The following ODAD3 variants were observed in gnomAD, a reference collection of about 807,000 sequenced individuals.
The protein encoded by ODAD3 is outer dynein arm-docking complex subunit 3.
In ODAD3, 57 loss-of-function variants were observed where a neutral mutation model predicts 70.9. The observed-to-expected ratio is 0.80, with a 90% CI of 0.65 to 1.00. The LOEUF is 1.00. Among genes scored for constraint, ODAD3 ranks in the 50% least tolerant of loss-of-function variants. The pLI is 0.00. For synonymous variants in ODAD3, 327 were observed against 315.9 expected (o/e 1.04, Z -0.37); for missense variants, 797 against 763.9 (o/e 1.04, Z -0.51).
intron 7 of ODAD3, among the ~76,000 whole-genome samples, chr19:11,425,748 G>T (rs139888710): frequency 1.1e-3 from 162 of 149,440 alleles, no homozygotes; most frequent in African/African-American, 3.8e-3. Flanking sequence ...CTTTGGTGAG[G>T]GCTGGATGGG....
In ODAD3 at chr19:11,434,886, G is replaced by C; in HGVS notation, c.131C>G (p.Thr44Arg). The C allele has an allele frequency of 6.2e-7, 1 of 1,614,186 alleles. No individual in the cohort carries two copies. Among genetic ancestry groups the C allele is most frequent in the African/African-American group, 1.3e-5 (1 of 75,064 alleles). The change falls in exon 1 of 13, where the codon ACA (threonine) becomes AGA (arginine). Residue 44 changes from threonine to arginine, a missense_variant. Transcript: ENST00000356392. ...ACGGCCTGGGGTCCACGCCTGGGCT[G>C]TGCCCTTGCCTCGGAGGTGGCTGGG... is the stretch of plus-strand genomic sequence containing the variant. Reference protein sequence around the residue: ...GKPSHLRGKGTAQAWTPGRSK... With the variant: ...GKPSHLRGKGRAQAWTPGRSK...
At chr19:11,425,038 C>CGT (rs1437105727) in intron 7 of ODAD3, among the ~76,000 whole-genome samples, 3 of 85,850 alleles carry the variant, frequency 3.5e-5, no homozygotes, top group East Asian at 6.6e-4. Context: ...TGCATATATA[C>CGT]ATATGTGTAT....
chr19:11,422,483 G>C lies in ODAD3; in HGVS notation c.1422C>G (p.Ile474Met). 1 of 1,593,240 alleles carries C rather than the reference G, an allele frequency of 6.3e-7. No homozygotes were observed. The highest frequency in any genetic ancestry group is 8.5e-7 in the Non-Finnish European group (1 of 1,171,398). The change falls in exon 10 of 13, where the codon ATC becomes ATG. Residue 474 changes from isoleucine to methionine, a missense_variant. Physicochemically the swap from Ile to Met is conservative, Grantham distance 10. Coordinates refer to ENST00000356392, the MANE Select transcript of ODAD3 (RefSeq NM_145045.5). The surrounding 1 kb of genome is among the most constrained non-coding windows in gnomAD (Gnocchi z 4.6). Reference protein sequence around the residue: ...DSLEHLASKLIHITVEDGRFA... With the variant: ...DSLEHLASKLMHITVEDGRFA... ...GGGCGGGGCCTACCACAGTGATGTG[G>C]ATCAGCTTGCTGGCCAGGTGCTCCA...
At chr19:11,425,022 C>A (rs189448471) in intron 7 of ODAD3, among the ~76,000 whole-genome samples, 3 of 92,764 alleles carry the variant, frequency 3.2e-5, no homozygotes, top group Non-Finnish European at 6.2e-5. Flanking sequence ...TGTATATATA[C>A]ATATGTGCAT....
At chr19:11,430,531 C>T in intron 3 of ODAD3, 168 bp downstream of exon 3, 1 of 678,664 alleles carries the variant, frequency 1.5e-6, no homozygotes, top group Middle Eastern at 4.1e-4. Context: ...CATTTACTAC[C>T]ATGCCAGGAT....
intron 1 of ODAD3, among the ~76,000 whole-genome samples, chr19:11,433,331 A>G (rs901153635): frequency 6.6e-6 from 1 of 152,148 alleles, no homozygotes; most frequent in African/African-American, 2.4e-5. Flanking sequence ...TATTTTTAGT[A>G]GAGACAGCGT....
chr19:11,434,233 A>C lies in ODAD3; in HGVS notation c.244+540T>G, dbSNP rs1300508438. Among the ~76,000 whole-genome samples the C allele has an allele frequency of 2.2e-4, 33 of 151,292 alleles. 1 individual carries two copies. The highest frequency in any genetic ancestry group is 4.2e-4 in the South Asian group (2 of 4,800). On this transcript the variant is annotated intron_variant, in intron 1 of 12. Transcript: ENST00000356392. ...GTCTCAAAAAACAAAAAACAAAACA[A>C]AAAAAAACGCGGGTGCAGTGGCTCA...
intron 1 of ODAD3, among the ~76,000 whole-genome samples, chr19:11,431,622 C>G (rs1969505466): frequency 1.3e-5 from 2 of 151,384 alleles, no homozygotes; most frequent in African/African-American, 4.9e-5. Flanking sequence ...GAAACCCCAT[C>G]TCTACAAAAA....
chr19:11,434,863 G>A lies in ODAD3; in HGVS notation c.154C>T (p.Arg52Cys). The change falls in exon 1 of 13, where the codon CGT becomes TGT. Residue 52 changes from arginine to cysteine, a missense_variant. By Grantham distance (180) the Arg-to-Cys change is radical (BLOSUM62 -3). Coordinates refer to ENST00000356392, the MANE Select transcript of ODAD3 (RefSeq NM_145045.5). ...CTGTGGAAGGATCCTCCCTTGGAACGGCCTGGGGTCCACGCCTGGGCTGTG... is the reference window on the plus strand; with the variant it reads ...CTGTGGAAGGATCCTCCCTTGGAACAGCCTGGGGTCCACGCCTGGGCTGTG... ...KGTAQAWTPG[R>C]SKGGSFHRGA... is the part of the protein sequence containing the mutation. 2 of 1,614,174 alleles carry A rather than the reference G, an allele frequency of 1.2e-6. No homozygotes were observed. The highest frequency in any genetic ancestry group is 1.7e-6 in the Non-Finnish European group (2 of 1,180,036).
In ODAD3 at chr19:11,425,372, T is replaced by TATGTAC. The variant is rs1311029892; in HGVS notation, c.963+771_963+772insGTACAT. On this transcript the variant is annotated intron_variant, in intron 7 of 12. Transcript: ENST00000356392. ...ATATGTGTATATGTACATATGTGTA[T>TATGTAC]ATATGTGTGTATGTACATATGTGTA... is the stretch of plus-strand genomic sequence containing the variant. Among the ~76,000 whole-genome samples the TATGTAC allele has an allele frequency of 4.6e-5, 6 of 131,520 alleles. 1 individual carries two copies. Among genetic ancestry groups the TATGTAC allele is most frequent in the Admixed American group, 2.9e-4 (4 of 13,988 alleles). The allele number at this position is 131,520 out of a possible 152,430, so 86.3% of individuals were successfully genotyped here. A position where few individuals can be genotyped will look rare whatever the true frequency, so the allele number is the denominator to read the frequency against.
chr19:11,426,583 T>A lies in ODAD3; in HGVS notation c.715-12A>T. 6.2e-7 allele frequency: 1 copy of A among 1,613,900 alleles called. No homozygotes were observed. Among genetic ancestry groups the A allele is most frequent in the East Asian group, 2.2e-5 (1 of 44,874 alleles). Reference sequence around the variant, plus strand: ...TTGAGGCTCTCGTCCTGGGGCGTGGTGGGGAGGGGTAGCGGAGATGGTGCA... The same window carrying A: ...TTGAGGCTCTCGTCCTGGGGCGTGGAGGGGAGGGGTAGCGGAGATGGTGCA... On this transcript the variant is annotated splice_polypyrimidine_tract_variant and intron_variant, in intron 5 of 12. Coordinates refer to ENST00000356392, the MANE Select transcript of ODAD3 (RefSeq NM_145045.5).
chr19:11,425,584 T>C lies in ODAD3; in HGVS notation c.963+560A>G, dbSNP rs1245232482. Among the ~76,000 whole-genome samples, 7 of 133,092 alleles carry C rather than the reference T, an allele frequency of 5.3e-5. 1 individual carries two copies. The highest frequency in any genetic ancestry group is 4.2e-4 in the South Asian group (2 of 4,766). The allele number at this position is 133,092 out of a possible 152,430, so 87.3% of individuals were successfully genotyped here. A position where few individuals can be genotyped will look rare whatever the true frequency, so the allele number is the denominator to read the frequency against. ...ATATGTGTGTATGTATGTATATATG[T>C]ATGTATATGTGTATATATGTGTGTG... is the stretch of plus-strand genomic sequence containing the variant. On this transcript the variant is annotated intron_variant, in intron 7 of 12. Transcript: ENST00000356392.
In ODAD3 at chr19:11,428,625, T is replaced by C. The variant is rs556601314; in HGVS notation, c.445-1585A>G. Among the ~76,000 whole-genome samples the C allele has an allele frequency of 2.0e-5, 3 of 152,250 alleles. No homozygotes were observed. The South Asian group carries it at 6.2e-4, about 32-fold the overall frequency. The stretch of plus-strand genomic sequence containing the variant: ...GTGCAGTGGCACGAACATGACTCAC[T>C]GCAGCCTCGACCTCCCCAGTTCAGG... On this transcript the variant is annotated intron_variant, in intron 3 of 12. Transcript: ENST00000356392.
intron 8 of ODAD3, among the ~76,000 whole-genome samples, chr19:11,423,212 G>A (rs1219174823): frequency 1.3e-5 from 2 of 152,178 alleles, no homozygotes; most frequent in Non-Finnish European, 2.9e-5. Flanking sequence ...GCCCGTCTTC[G>A]GAGCCATCCG....
chr19:11,422,882 G>C lies in ODAD3; in HGVS notation c.1117-21C>G, dbSNP rs377602013. ...AACGACTGCGGGCCACCCAGCCCCA[G>C]TCAGAGCCAGGGCCTAGGGAGCGTA... is the stretch of plus-strand genomic sequence containing the variant. On this transcript the variant is annotated intron_variant, in intron 8 of 12. Transcript: ENST00000356392. This position sits in a 1 kb window ranked among gnomAD's most constrained non-coding sequence, Gnocchi z 4.6. The C allele has an allele frequency of 1.9e-6, 3 of 1,598,712 alleles. No individual in the cohort carries two copies. The highest frequency in any genetic ancestry group is 2.5e-6 in the Non-Finnish European group (3 of 1,178,734).
chr19:11,421,846 A>G lies in ODAD3; in HGVS notation c.1435-14T>C. 6.2e-7 allele frequency: 1 copy of G among 1,609,002 alleles called. No homozygotes were observed. Among genetic ancestry groups the G allele is most frequent in the Non-Finnish European group, 8.5e-7 (1 of 1,177,704 alleles). ...GCGGCCGTCCTCCTGCGGCCAGGGT[A>G]GAGCCGGGTCAGCCGAGAGGGGTGG... On this transcript the variant is annotated splice_polypyrimidine_tract_variant and intron_variant, in intron 10 of 12. Coordinates refer to ENST00000356392, the MANE Select transcript of ODAD3 (RefSeq NM_145045.5).
chr19:11,435,670 G>T, upstream of ODAD3: 1 of 1,300,380 alleles, frequency 7.7e-7, no homozygotes, highest in Non-Finnish European at 1.0e-6. Flanking sequence ...CTGGACAAGA[G>T]GGGTGCGGTG....
At position 11,424,165 on chromosome 19, in the gene ODAD3, G is replaced by A; in HGVS notation, c.964-136C>T. 1.7e-6 allele frequency: 2 copies of A among 1,170,884 alleles called. 1 individual carries two copies. Among genetic ancestry groups the A allele is most frequent in the South Asian group, 3.0e-5 (2 of 67,774 alleles). 72.5% of individuals were successfully genotyped at this position (1,170,884 alleles called of 1,614,324 possible). On this transcript the variant is annotated intron_variant, in intron 7 of 12. Coordinates refer to ENST00000356392, the MANE Select transcript of ODAD3 (RefSeq NM_145045.5). ...AGGGAAGGGAGAGGGCAAAAGCTTG[G>A]GGCCAGATAAAGGCACCCGGGCAGG... is the stretch of plus-strand genomic sequence containing the variant.
At position 11,421,810 on chromosome 19, in the gene ODAD3, T is replaced by C. The variant is rs1969141852; in HGVS notation, c.1457A>G (p.Lys486Arg). Reference protein sequence around the residue: ...ITVEDGRFAGKELDPQADNYV... With the variant: ...ITVEDGRFAGRELDPQADNYV... Reference sequence around the variant, plus strand: ...GTTATCTGCCTGGGGATCCAGCTCCTTTCCCGCGAAGCGGCCGTCCTCCTG... The same window carrying C: ...GTTATCTGCCTGGGGATCCAGCTCCCTTCCCGCGAAGCGGCCGTCCTCCTG... The change falls in exon 11 of 13, where the codon AAG becomes AGG. Residue 486 changes from lysine (K) to arginine (R), a missense_variant. Physicochemically the swap from Lys to Arg is conservative, Grantham distance 26. Coordinates refer to ENST00000356392, the MANE Select transcript of ODAD3 (RefSeq NM_145045.5). 1 of 1,612,990 alleles carries C rather than the reference T, an allele frequency of 6.2e-7. No homozygotes were observed.
Sources: allele counts gnomAD v4.1 joint callset (sites outside exome capture counted in the v4.1 genomes callset), GRCh38; gene constraint gnomAD v4.1.1; non-coding constraint Gnocchi (gnomAD v3.1); transcripts MANE v1.5; gene names NCBI Gene and HGNC (gene_info 2026-07-23, HGNC 2026-07-21).